The following CHGB variants were observed in gnomAD, a reference collection of about 807,000 sequenced individuals.
The protein encoded by CHGB is chromogranin B.
Under a neutral mutation model 69.9 loss-of-function variants are expected in CHGB, and 46 were observed. That is an observed-to-expected ratio of 0.66 (90% CI 0.52 to 0.84). The LOEUF (loss-of-function observed/expected upper bound fraction) is 0.84. Among genes scored for constraint, CHGB ranks in the 40% least tolerant of loss-of-function variants. The pLI is 0.00. For synonymous variants in CHGB, 312 were observed against 298.2 expected (o/e 1.05, Z -0.48); for missense variants, 796 against 822.2 (o/e 0.97, Z 0.39).
chr20:5,922,645 G>A lies in CHGB; in HGVS notation c.501G>A (p.Glu167=), dbSNP rs776943397. Residue 167 remains glutamate, a synonymous_variant, in exon 4 of 5, where the codon GAG becomes GAA. Transcript: ENST00000378961. ...SEKSQREDEE[E]EEGENYQKGE... The stretch of plus-strand genomic sequence containing the variant: ...AGAGCCAGAGAGAGGATGAGGAGGA[G>A]GAGGAGGGAGAGAACTATCAAAAAG... 9.2e-5 allele frequency: 149 copies of A among 1,613,912 alleles called. No homozygotes were observed. The highest frequency in any genetic ancestry group is 1.0e-4 in the Non-Finnish European group (121 of 1,179,918).
chr20:5,919,643 G>A (rs454328), intron 3 of CHGB, among the ~76,000 whole-genome samples: 70,944 of 152,080 alleles, frequency 0.47, 17,616 homozygotes, highest in African/African-American at 0.63. Flanking sequence ...TCTGAATTCA[G>A]ATGTACTAAA....
chr20:5,913,628 C>CTTTTTTTTTTTTTTTTTTTTTTTTTT, intron 1 of CHGB, among the ~76,000 whole-genome samples: 1 of 90,470 alleles, frequency 1.1e-5, no homozygotes, highest in Non-Finnish European at 2.5e-5. Context: ...CTTTTCTTTT[C>CTTTTTTTTTTTTTTTTTTTTTTTTTT]TTTTTTTTTT....
In CHGB at chr20:5,923,427, C is replaced by T; in HGVS notation, c.1283C>T (p.Ala428Val). 6.2e-7 allele frequency: 1 copy of T among 1,614,026 alleles called. No individual in the cohort carries two copies. The highest frequency in any genetic ancestry group is 1.1e-5 in the South Asian group (1 of 91,074). The change falls in exon 4 of 5, where the codon GCC becomes GTC. Residue 428 changes from alanine to valine, a missense_variant. Ala to Val is a moderately conservative substitution (Grantham distance 64, BLOSUM62 0). Around this residue, in one of 3 missense-constraint regions of CHGB, gnomAD observed 274 missense variants for 298.9 expected, o/e 0.92. Coordinates refer to ENST00000378961, the MANE Select transcript of CHGB (RefSeq NM_001819.3). ...HHRGRGGEPR[A>V]YFMSDTREEK... ...AGAGGCAGGGGAGGGGAGCCACGTG[C>T]CTATTTCATGTCTGACACCAGAGAA... is the stretch of plus-strand genomic sequence containing the variant.
At chr20:5,917,052 G>A (rs1216330718) in intron 3 of CHGB, 133 bp downstream of exon 3, 2 of 799,130 alleles carry the variant, frequency 2.5e-6, no homozygotes, top group Admixed American at 2.0e-5. Flanking sequence ...TGATTGACTA[G>A]GCCAGTATCT....
chr20:5,920,969 A>G (rs937253435), intron 3 of CHGB, among the ~76,000 whole-genome samples: 2 of 152,250 alleles, frequency 1.3e-5, no homozygotes, highest in Non-Finnish European at 2.9e-5. Flanking sequence ...CATTTTGCAA[A>G]TATCATTTCA....
chr20:5,921,894 A>G lies in CHGB; in HGVS notation c.191-441A>G, dbSNP rs138839761. ...CTGGATTATTGTTAGAGCCATTCAC[A>G]TAGTGCTAACTTTTTAACTCCTACT... is the stretch of plus-strand genomic sequence containing the variant. On this transcript the variant is annotated intron_variant, in intron 3 of 4. Coordinates refer to ENST00000378961, the MANE Select transcript of CHGB (RefSeq NM_001819.3). 4.7e-3 allele frequency among the ~76,000 whole-genome samples: 718 copies of G among 152,352 alleles called. 3 individuals carry two copies. The highest frequency in any genetic ancestry group is 0.016 in the African/African-American group (682 of 41,582).
chr20:5,920,413 C>T (rs143910412), intron 3 of CHGB, among the ~76,000 whole-genome samples: 2 of 152,104 alleles, frequency 1.3e-5, no homozygotes, highest in Non-Finnish European at 2.9e-5. Flanking sequence ...GCTTAAACAA[C>T]TAACATTTAT....
intron 1 of CHGB, chr20:5,914,803 A>T (rs1056847394): frequency 6.6e-6 from 1 of 152,240 alleles, no homozygotes; most frequent in Non-Finnish European, 1.5e-5. Context: ...TCTTCATAGC[A>T]TAACTTTGGG....
rs2088529712 is a variant in CHGB at position 5,923,439 on chromosome 20, C to G, written c.1295C>G (p.Ser432Cys). ...GGGGAGCCACGTGCCTATTTCATGT[C>G]TGACACCAGAGAAGAGAAAAGGTTC... The part of the protein sequence containing the change: ...RGGEPRAYFM[S>C]DTREEKRFLG... Residue 432 changes from serine to cysteine, a missense_variant, in exon 4 of 5, where the codon TCT becomes TGT. Coordinates refer to ENST00000378961, the MANE Select transcript of CHGB (RefSeq NM_001819.3). 1.2e-6 allele frequency: 2 copies of G among 1,614,116 alleles called. No homozygotes were observed. The highest frequency in any genetic ancestry group is 2.7e-5 in the African/African-American group (2 of 75,036).
In CHGB at chr20:5,924,983, C is replaced by G; in HGVS notation, c.1968C>G (p.Leu656=). Residue 656 remains leucine (L), a synonymous_variant, in exon 5 of 5, where the codon CTC becomes CTG. Transcript: ENST00000378961. ...TCTGTATTTTCCAGAAAAAAGAACT[C>G]GAAAACTTGGCTGCAATGGATTTGG... ...TVLTEDEKKE[L]ENLAAMDLEL... is the part of the protein sequence containing the mutation. 1 of 1,611,840 alleles carries G rather than the reference C, an allele frequency of 6.2e-7. No individual in the cohort carries two copies. The highest frequency in any genetic ancestry group is 1.1e-5 in the South Asian group (1 of 90,906).
At chr20:5,922,230 C>T in intron 3 of CHGB, 105 bp from the exon 4 acceptor site, 1 of 1,365,876 alleles carries the variant, frequency 7.3e-7, no homozygotes, top group Non-Finnish European at 9.6e-7. Flanking sequence ...AATAATTATC[C>T]AAGCAATTTT....
At chr20:5,918,428 C>A (rs2088491918) in intron 3 of CHGB, among the ~76,000 whole-genome samples, 1 of 151,986 alleles carries the variant, frequency 6.6e-6, no homozygotes, top group Non-Finnish European at 1.5e-5. Flanking sequence ...ACCAAATAAA[C>A]ACCTCTCGCT....
At chr20:5,917,019 G>C in intron 3 of CHGB, 100 bp downstream of exon 3, 2 of 1,071,034 alleles carry the variant, frequency 1.9e-6, no homozygotes, top group Non-Finnish European at 2.9e-6. Context: ...TGACCTGGGG[G>C]CATAATGCAC....
At chr20:5,916,110 T>C in intron 1 of CHGB, 1 of 579,656 alleles carries the variant, frequency 1.7e-6, no homozygotes, top group South Asian at 2.2e-5. Context: ...GCACTGAGAT[T>C]AAAAAATGGG....
intron 1 of CHGB, among the ~76,000 whole-genome samples, chr20:5,911,921 C>G (rs1397054318): frequency 6.6e-6 from 1 of 152,194 alleles, no homozygotes; most frequent in Non-Finnish European, 1.5e-5. Flanking sequence ...CTTTCTGTAT[C>G]TGAGTTTTCC....
intron 4 of CHGB, among the ~76,000 whole-genome samples, chr20:5,924,651 C>A (rs1012970592): frequency 6.6e-6 from 1 of 152,152 alleles, no homozygotes; most frequent in Non-Finnish European, 1.5e-5. Flanking sequence ...CTGAACCTAC[C>A]CAAACAATGT....
chr20:5,923,379 A>G lies in CHGB; in HGVS notation c.1235A>G (p.Glu412Gly). Reference protein sequence around the residue: ...GEESEEERGLEPGKGRHHRGR... With the variant: ...GEESEEERGLGPGKGRHHRGR... ...GAAAGTGAGGAAGAGAGGGGCCTTGAGCCGGGAAAGGGACGCCATCACAGA... is the reference window on the plus strand; with the variant it reads ...GAAAGTGAGGAAGAGAGGGGCCTTGGGCCGGGAAAGGGACGCCATCACAGA... The change falls in exon 4 of 5, where the codon GAG (glutamate) becomes GGG (glycine). Residue 412 changes from glutamate (E) to glycine (G), a missense_variant. Coordinates refer to ENST00000378961, the MANE Select transcript of CHGB (RefSeq NM_001819.3). The G allele has an allele frequency of 1.2e-6, 2 of 1,613,954 alleles. No homozygotes were observed. The highest frequency in any genetic ancestry group is 1.7e-6 in the Non-Finnish European group (2 of 1,180,012).
At chr20:5,915,630 A>G (rs1568549594) in intron 1 of CHGB, 1 of 152,240 alleles carries the variant, frequency 6.6e-6, no homozygotes, top group Non-Finnish European at 1.5e-5. Flanking sequence ...TTGGAAACAG[A>G]GATACGGAGA....
Position 5,922,349 on chromosome 20 carries a change from A to G in CHGB, c.205A>G (p.Lys69Glu). The G allele has an allele frequency of 6.5e-7, 1 of 1,548,974 alleles. No individual in the cohort carries two copies. The highest frequency in any genetic ancestry group is 1.2e-5 in the South Asian group (1 of 82,154). ...TTTCATTATAGGTAGAAAAGACGTC[A>G]AAGACAAAGAGACAACTGAAAATGA... ...QVLKTSRKDV[K>E]DKETTENENT... The change falls in exon 4 of 5, where the codon AAA (lysine) becomes GAA (glutamate). Residue 69 changes from lysine (K) to glutamate (E), a missense_variant. Transcript: ENST00000378961.
Sources: gnomAD v4.1 joint callset for allele counts (sites outside exome capture counted in the v4.1 genomes callset) on GRCh38, gnomAD v4.1.1 for gene constraint, gnomAD v4.1.1 regional missense constraint, MANE v1.5 for transcripts, NCBI Gene and HGNC (gene_info 2026-07-23, HGNC 2026-07-21) for gene names.